PKNOX2: variants seen among roughly 807,000 people sequenced by gnomAD.
The protein encoded by PKNOX2 is PBX/knotted 1 homeobox 2.
A neutral mutation model predicts 53.1 loss-of-function variants in PKNOX2; 14 were observed. The observed-to-expected ratio is 0.26, with a 90% confidence interval of 0.17 to 0.41. The LOEUF is 0.41. Ranked by LOEUF, PKNOX2 falls within the 10% of genes least tolerant of loss-of-function variation. The pLI, the probability that PKNOX2 is intolerant of heterozygous loss-of-function variation, is 1.00. For synonymous variants in PKNOX2, 257 were observed against 242.8 expected (o/e 1.06, Z -0.54); for missense variants, 496 against 602.8 (o/e 0.82, Z 1.85).
chr11:125,387,734 G>C (rs1299022989), intron 6 of PKNOX2, among the ~76,000 whole-genome samples: 1 of 152,162 alleles, frequency 6.6e-6, no homozygotes, highest in Non-Finnish European at 1.5e-5. Flanking sequence ...TCCAGCCAGT[G>C]GAGCAATCCT....
chr11:125,290,758 G>A (rs764060564), intron 2 of PKNOX2, among the ~76,000 whole-genome samples: 7 of 152,192 alleles, frequency 4.6e-5, no homozygotes, highest in Non-Finnish European at 8.8e-5. Flanking sequence ...ACAGTGTGGT[G>A]GAGAAATGGG....
At chr11:125,193,314 C>T (rs569273249) in intron 1 of PKNOX2, among the ~76,000 whole-genome samples, 29 of 152,282 alleles carry the variant, frequency 1.9e-4, no homozygotes, top group Non-Finnish European at 3.5e-4. Context: ...GCAGAAAGCC[C>T]CCTCTCTACC....
At chr11:125,346,715 G>A (rs1262502556) in intron 3 of PKNOX2, among the ~76,000 whole-genome samples, 2 of 151,330 alleles carry the variant, frequency 1.3e-5, no homozygotes, top group South Asian at 2.1e-4. Context: ...CATTCCTAGC[G>A]GCCCTCATGA....
rs1486766251 is a variant in PKNOX2 at position 125,351,348 on chromosome 11, G to C, written c.43G>C (p.Ala15Pro). ...ASPAPALTMM[A>P]TQNVPPPPYQ... Reference sequence around the variant, plus strand: ...CCCAGCCCCCGCTCTGACGATGATGGCCACGCAGAATGTCCCGCCCCCACC... The same window carrying C: ...CCCAGCCCCCGCTCTGACGATGATGCCCACGCAGAATGTCCCGCCCCCACC... The change falls in exon 4 of 13, where the codon GCC becomes CCC. Residue 15 changes from alanine to proline, a missense_variant. Around this residue, in one of 5 missense-constraint regions of PKNOX2, gnomAD observed 168 missense variants for 178.4 expected, o/e 0.94. Coordinates refer to ENST00000298282, the MANE Select transcript of PKNOX2 (RefSeq NM_001382323.2). 1.2e-6 allele frequency: 2 copies of C among 1,610,544 alleles called. No individual in the cohort carries two copies. The highest frequency in any genetic ancestry group is 1.7e-6 in the Non-Finnish European group (2 of 1,178,228).
chr11:125,306,575 A>G (rs564382514), intron 2 of PKNOX2, among the ~76,000 whole-genome samples: 1 of 152,236 alleles, frequency 6.6e-6, no homozygotes, highest in Non-Finnish European at 1.5e-5. Flanking sequence ...ATGCATTAAC[A>G]TTAACATTTC....
chr11:125,231,723 G>GGTGT (rs752521063), intron 1 of PKNOX2, among the ~76,000 whole-genome samples: 1 of 151,040 alleles, frequency 6.6e-6, no homozygotes, highest in East Asian at 1.9e-4. Flanking sequence ...GTGTGTGGGG[G>GGTGT]GTGTGTGTGT....
intron 2 of PKNOX2, among the ~76,000 whole-genome samples, chr11:125,289,392 C>T (rs1947157638): frequency 6.6e-6 from 1 of 152,208 alleles, no homozygotes; most frequent in Non-Finnish European, 1.5e-5. Context: ...AGTGTCTACT[C>T]CACAAATCTT....
intron 1 of PKNOX2, among the ~76,000 whole-genome samples, chr11:125,176,245 G>C (rs1448424556): frequency 6.6e-6 from 1 of 152,216 alleles, no homozygotes; most frequent in African/African-American, 2.4e-5. Context: ...GGGTGAGGAG[G>C]GGGTTGGCCT....
At chr11:125,203,418 T>A (rs1938680026) in intron 1 of PKNOX2, among the ~76,000 whole-genome samples, 1 of 152,260 alleles carries the variant, frequency 6.6e-6, no homozygotes, top group Admixed American at 6.5e-5. Context: ...GAATATTTAT[T>A]TAACTTGCCT....
intron 1 of PKNOX2, among the ~76,000 whole-genome samples, chr11:125,177,664 C>G (rs527514170): frequency 2.6e-5 from 4 of 152,170 alleles, no homozygotes; most frequent in Admixed American, 6.5e-5. Context: ...CCGTCACTTC[C>G]GTCTCTCTCC....
intron 2 of PKNOX2, among the ~76,000 whole-genome samples, chr11:125,293,246 A>C (rs1414174506): frequency 6.6e-6 from 1 of 152,224 alleles, no homozygotes; most frequent in Non-Finnish European, 1.5e-5. Context: ...CATACTGCTT[A>C]AATCCTGTAC....
chr11:125,412,978 C>T (rs1024095060), intron 10 of PKNOX2, among the ~76,000 whole-genome samples: 1 of 152,154 alleles, frequency 6.6e-6, no homozygotes, highest in Non-Finnish European at 1.5e-5. Context: ...GTCTTGGGGG[C>T]TCTGATTGGG....
chr11:125,370,984 T>G lies in PKNOX2; in HGVS notation c.227+2999T>G, dbSNP rs952627415. On this transcript the variant is annotated intron_variant, in intron 5 of 12. Transcript: ENST00000298282. The surrounding 1 kb of genome is among the most constrained non-coding windows in gnomAD (Gnocchi z 4.1). ...CCTCCCTGCCTAGGACACTGCTCGG[T>G]GGCAGAGGGGCAGTGTGACAAAGGG... 7.2e-5 allele frequency among the ~76,000 whole-genome samples: 11 copies of G among 152,090 alleles called. No individual in the cohort carries two copies.
intron 2 of PKNOX2, among the ~76,000 whole-genome samples, chr11:125,303,073 C>G (rs1591519708): frequency 6.6e-6 from 1 of 152,282 alleles, no homozygotes; most frequent in Non-Finnish European, 1.5e-5. Context: ...CTTGCTGTTC[C>G]CATGCTGGGT....
intron 1 of PKNOX2, among the ~76,000 whole-genome samples, chr11:125,230,324 C>T (rs1942100718): frequency 6.6e-6 from 1 of 152,224 alleles, no homozygotes; most frequent in Non-Finnish European, 1.5e-5. Context: ...TCAGGGGCCA[C>T]AGTGCCTGAC....
intron 2 of PKNOX2, among the ~76,000 whole-genome samples, chr11:125,306,540 C>T (rs1161686499): frequency 6.6e-6 from 1 of 152,218 alleles, no homozygotes; most frequent in African/African-American, 2.4e-5. Context: ...CCATAAAACC[C>T]TTAATGTGGC....
chr11:125,390,653 T>G (rs1232293650), intron 6 of PKNOX2, among the ~76,000 whole-genome samples: 6 of 152,224 alleles, frequency 3.9e-5, no homozygotes, highest in African/African-American at 1.4e-4. Flanking sequence ...TATCCCCATT[T>G]GACAGAGGAA....
At chr11:125,304,996 A>G (rs1174413881) in intron 2 of PKNOX2, among the ~76,000 whole-genome samples, 1 of 152,154 alleles carries the variant, frequency 6.6e-6, no homozygotes. Context: ...GGAAATGAAA[A>G]CCAAAAGAGT....
intron 10 of PKNOX2, among the ~76,000 whole-genome samples, chr11:125,421,045 GA>G (rs1249689972): frequency 1.3e-5 from 2 of 150,500 alleles, no homozygotes; most frequent in Non-Finnish European, 3.0e-5. Flanking sequence ...TTCTGTCTAT[GA>G]AAAAAAAACA....
Sources: gnomAD v4.1 joint callset for allele counts (sites outside exome capture counted in the v4.1 genomes callset) on GRCh38, gnomAD v4.1.1 for gene constraint, gnomAD v4.1.1 regional missense constraint, Gnocchi (gnomAD v3.1) non-coding constraint, MANE v1.5 for transcripts, NCBI Gene and HGNC (gene_info 2026-07-23, HGNC 2026-07-21) for gene names.